AMDHD2: variants seen among roughly 807,000 people sequenced by gnomAD.
AMDHD2 encodes N-acetylglucosamine-6-phosphate deacetylase.
AMDHD2 carries 24 observed loss-of-function variants against 41.8 expected under a neutral mutation model. That is an observed-to-expected ratio of 0.57 (90% CI 0.42 to 0.81). The LOEUF is 0.81. Ranked by LOEUF, AMDHD2 falls within the 30% of genes least tolerant of loss-of-function variation. AMDHD2 has a pLI of 0.00. For synonymous variants in AMDHD2, 332 were observed against 255.5 expected (o/e 1.30, Z -2.85); for missense variants, 540 against 588.5 (o/e 0.92, Z 0.85).
intron 3 of AMDHD2, among the ~76,000 whole-genome samples, chr16:2,524,645 A>G (rs577840659): frequency 6.6e-6 from 1 of 152,208 alleles, no homozygotes; most frequent in East Asian, 1.9e-4. Context: ...GTGAGGAAAA[A>G]CAGCGGCCCT....
intron 3 of AMDHD2, among the ~76,000 whole-genome samples, chr16:2,522,539 T>A (rs928421983): frequency 3.2e-4 from 48 of 151,606 alleles, no homozygotes; most frequent in Admixed American, 3.0e-3. Flanking sequence ...TAGCTGGGAG[T>A]GGTTGCGCCT....
intron 3 of AMDHD2, among the ~76,000 whole-genome samples, chr16:2,526,457 TC>T (rs1047980951): frequency 4.6e-5 from 7 of 152,118 alleles, no homozygotes; most frequent in African/African-American, 7.2e-5. Context: ...CAGGCACTCT[TC>T]CGTTGGTCCC....
At position 2,528,329 on chromosome 16, in the gene AMDHD2, A is replaced by C; in HGVS notation, c.811A>C (p.Thr271Pro). 6.2e-7 allele frequency: 1 copy of C among 1,612,788 alleles called. No homozygotes were observed. The highest frequency in any genetic ancestry group is 8.5e-7 in the Non-Finnish European group (1 of 1,179,918). ...CIFYGMIADG[T>P]HTNPAALRIA... ...CTTCTATGGGATGATTGCAGATGGCACGCACACCAACCCCGCCGCCCTGCG... is the reference window on the plus strand; with the variant it reads ...CTTCTATGGGATGATTGCAGATGGCCCGCACACCAACCCCGCCGCCCTGCG... Residue 271 changes from threonine to proline, a missense_variant, in exon 7 of 11, where the codon ACG (threonine) becomes CCG (proline). Transcript: ENST00000293971.
chr16:2,530,275 GTGGT>G lies in AMDHD2; in HGVS notation c.*713_*716del, dbSNP rs2066069708. The G allele has an allele frequency of 1.2e-5, 19 of 1,612,956 alleles. No homozygotes were observed. The East Asian group carries it at 4.2e-4, about 36-fold the overall frequency. On this transcript the variant is annotated 3_prime_UTR_variant, in exon 11 of 11. Coordinates refer to ENST00000293971, the MANE Select transcript of AMDHD2 (RefSeq NM_001330449.2). ...TCCCCAGGCCCAGTGCTTGCCGGCT[GTGGT>G]GACCCTGCCTGGTGCTGGAGGGCAG...
intron 3 of AMDHD2, among the ~76,000 whole-genome samples, chr16:2,522,412 G>A (rs2065953059): frequency 6.6e-6 from 1 of 151,952 alleles, no homozygotes; most frequent in African/African-American, 2.4e-5. Flanking sequence ...GCCGGGCGCG[G>A]TGGCTCACGC....
intron 3 of AMDHD2, 97 bp downstream of exon 3, chr16:2,521,220 A>T: frequency 1.5e-6 from 2 of 1,371,780 alleles, no homozygotes; most frequent in Non-Finnish European, 1.9e-6. Context: ...CCCAGCACGT[A>T]TTCCATGGTC....
intron 3 of AMDHD2, among the ~76,000 whole-genome samples, chr16:2,524,149 C>T (rs757840737): frequency 6.6e-6 from 1 of 152,230 alleles, no homozygotes; most frequent in East Asian, 1.9e-4. Flanking sequence ...CCTTTTCACT[C>T]GGGTCTCCCC....
chr16:2,527,745 G>A lies in AMDHD2; in HGVS notation c.416-28G>A. The A allele has an allele frequency of 6.4e-7, 1 of 1,555,322 alleles. No homozygotes were observed. On this transcript the variant is annotated intron_variant, in intron 4 of 10. Coordinates refer to ENST00000293971, the MANE Select transcript of AMDHD2 (RefSeq NM_001330449.2). This position sits in a 1 kb window ranked among gnomAD's most constrained non-coding sequence, Gnocchi z 6.1. Reference sequence around the variant, plus strand: ...TAAGGGCTGGGTGGGGCAGGGACCTGCTGGAGCCACTTGCTCCCTCCTCCC... The same window carrying A: ...TAAGGGCTGGGTGGGGCAGGGACCTACTGGAGCCACTTGCTCCCTCCTCCC...
At position 2,520,552 on chromosome 16, in the gene AMDHD2, G is replaced by C; in HGVS notation, c.83+11G>C. Reference sequence around the variant, plus strand: ...AGGGAAACTGCTCAGGTGGGCGCGGGCCGGGGACTGCGGGGCTGGGGACCG... The same window carrying C: ...AGGGAAACTGCTCAGGTGGGCGCGGCCCGGGGACTGCGGGGCTGGGGACCG... On this transcript the variant is annotated intron_variant, in intron 1 of 10. Coordinates refer to ENST00000293971, the MANE Select transcript of AMDHD2 (RefSeq NM_001330449.2). 1 of 1,233,038 alleles carries C rather than the reference G, an allele frequency of 8.1e-7. No individual in the cohort carries two copies. The highest frequency in any genetic ancestry group is 1.0e-6 in the Non-Finnish European group (1 of 981,968). The allele number at this position is 1,233,038 out of a possible 1,614,324, so 76.4% of individuals were successfully genotyped here.
At chr16:2,520,581 GGGGTGCA>G (rs1336004393) in intron 1 of AMDHD2, 40 bp downstream of exon 1, 8 of 1,209,266 alleles carry the variant, frequency 6.6e-6, no homozygotes, top group African/African-American at 1.6e-5. Flanking sequence ...GGGACCGGGC[GGGGTGCA>G]GGGTGCGGGG....
chr16:2,529,086 G>A lies in AMDHD2; in HGVS notation c.1132G>A (p.Ala378Thr), dbSNP rs1444329827. ...EKSKGTLDFG[A>T]DADFVVLDDS... ...GAGTAAGGGGACCCTGGACTTTGGT[G>A]CTGACGCAGGTGAGGGCCTGTCGCA... The change falls in exon 10 of 11, where the codon GCT (alanine) becomes ACT (threonine). Residue 378 changes from alanine (A) to threonine (T), a missense_variant. Ala to Thr is a moderately conservative substitution (Grantham distance 58, BLOSUM62 0). Transcript: ENST00000293971. 3 of 1,583,214 alleles carry A rather than the reference G, an allele frequency of 1.9e-6. No individual in the cohort carries two copies. Among genetic ancestry groups the A allele is most frequent in the Non-Finnish European group, 2.6e-6 (3 of 1,165,674 alleles).
rs2141914995 is a variant in AMDHD2 at position 2,530,012 on chromosome 16, A to G, written c.*449A>G. ...GTGAAGAGCCGGCAGGAAGGGGACCAGTCACAGGGAGTGTGGACAGTCAGG... is the reference window on the plus strand; with the variant it reads ...GTGAAGAGCCGGCAGGAAGGGGACCGGTCACAGGGAGTGTGGACAGTCAGG... On this transcript the variant is annotated 3_prime_UTR_variant, in exon 11 of 11. Coordinates refer to ENST00000293971, the MANE Select transcript of AMDHD2 (RefSeq NM_001330449.2). 4.1e-6 allele frequency: 3 copies of G among 725,138 alleles called. No individual in the cohort carries two copies. Among genetic ancestry groups the G allele is most frequent in the Non-Finnish European group, 6.5e-6 (3 of 461,480 alleles). 44.9% of individuals were successfully genotyped at this position (725,138 alleles called of 1,614,324 possible).
chr16:2,521,986 G>C (rs941482793), intron 3 of AMDHD2, among the ~76,000 whole-genome samples: 1 of 151,842 alleles, frequency 6.6e-6, no homozygotes. Flanking sequence ...GGGTTTCACC[G>C]TGTTAGCCAG....
At chr16:2,523,461 G>A (rs1470567248) in intron 3 of AMDHD2, among the ~76,000 whole-genome samples, 1 of 152,158 alleles carries the variant, frequency 6.6e-6, no homozygotes, top group African/African-American at 2.4e-5. Flanking sequence ...GGAAGACTCA[G>A]GACAACCTTC....
intron 10 of AMDHD2, 66 bp from the exon 11 acceptor site, chr16:2,529,409 G>GA: frequency 6.3e-7 from 1 of 1,594,668 alleles, no homozygotes; most frequent in East Asian, 2.2e-5. Flanking sequence ...GGTTGTTGGG[G>GA]AGCAGCTCTG....
chr16:2,521,822 C>G (rs1005353392), intron 3 of AMDHD2, among the ~76,000 whole-genome samples: 3 of 122,714 alleles, frequency 2.4e-5, no homozygotes, highest in South Asian at 5.2e-4. Flanking sequence ...CTCGCTCTGT[C>G]GCCCAGGCTG....
chr16:2,531,176 C>T lies in AMDHD2; in HGVS notation c.*1613C>T, dbSNP rs1210433978. 3 of 1,416,888 alleles carry T rather than the reference C, an allele frequency of 2.1e-6. No individual in the cohort carries two copies. Among genetic ancestry groups the T allele is most frequent in the Non-Finnish European group, 2.8e-6 (3 of 1,054,290 alleles). The allele number at this position is 1,416,888 out of a possible 1,614,324, so 87.8% of individuals were successfully genotyped here. On this transcript the variant is annotated 3_prime_UTR_variant, in exon 11 of 11. Transcript: ENST00000293971. ...TGGGCCAGCCTTTGGGCCTGGCCTGCCCCATTCACCGGCCAGCGCCCCACC... is the reference window on the plus strand; with the variant it reads ...TGGGCCAGCCTTTGGGCCTGGCCTGTCCCATTCACCGGCCAGCGCCCCACC...
chr16:2,529,043 G>T lies in AMDHD2; in HGVS notation c.1089G>T (p.Gln363His). Residue 363 changes from glutamine to histidine, a missense_variant, in exon 10 of 11, where the codon CAG becomes CAT. Physicochemically the swap from Gln to His is conservative, Grantham distance 24 (BLOSUM62 0). Transcript: ENST00000293971. ...AGGCTGCATCCCTGCACCCCGCCCA[G>T]TTGCTGGGGCTGGAGAAGAGTAAGG... is the stretch of plus-strand genomic sequence containing the variant. ...ALEAASLHPA[Q>H]LLGLEKSKGT... The T allele has an allele frequency of 6.3e-7, 1 of 1,599,770 alleles. No homozygotes were observed. Among genetic ancestry groups the T allele is most frequent in the Non-Finnish European group, 8.5e-7 (1 of 1,173,864 alleles).
chr16:2,525,218 T>C (rs554105543), intron 3 of AMDHD2, among the ~76,000 whole-genome samples: 1 of 151,366 alleles, frequency 6.6e-6, no homozygotes, highest in African/African-American at 2.4e-5. Context: ...CGCCATGCCC[T>C]GCTAATTTTT....
Sources: gnomAD v4.1 joint callset for allele counts (sites outside exome capture counted in the v4.1 genomes callset) on GRCh38, gnomAD v4.1.1 for gene constraint, Gnocchi (gnomAD v3.1) non-coding constraint, MANE v1.5 for transcripts, NCBI Gene and HGNC (gene_info 2026-07-23, HGNC 2026-07-21) for gene names.